The following TENM3 variants were observed in gnomAD, a reference collection of about 807,000 sequenced individuals.
TENM3 encodes teneurin-3.
Under a neutral mutation model 255.1 loss-of-function variants are expected in TENM3, and 63 were observed. The ratio of observed to expected loss-of-function variants is 0.25; its 90% CI spans 0.20 to 0.30. The LOEUF (loss-of-function observed/expected upper bound fraction) is 0.30. Ranked by LOEUF, TENM3 falls within the 10% of genes least tolerant of loss-of-function variation. The pLI is 1.00. For missense variants in TENM3, 2,929 were observed against 3,461.1 expected, an observed-to-expected ratio of 0.85 and a Z score of 3.86; for synonymous variants, 1,306 against 1,322.3, an observed-to-expected ratio of 0.99 and a Z score of 0.27.
At chr4:181,835,527 G>A in the TENM3 span, among the ~76,000 whole-genome samples, 6 of 152,072 alleles carry the variant, frequency 3.9e-5, no homozygotes, top group African/African-American at 7.2e-5. Flanking sequence ...ACAACTTACC[G>A]CAAGTGATGA....
intron 3 of TENM3, among the ~76,000 whole-genome samples, chr4:182,382,852 A>C (rs1450887486): frequency 6.6e-6 from 1 of 152,206 alleles, no homozygotes; most frequent in African/African-American, 2.4e-5. Flanking sequence ...AGGGTACCTG[A>C]TGCCAGACTC....
upstream of TENM3, among the ~76,000 whole-genome samples, chr4:182,240,397 A>G (rs1311546534): frequency 6.6e-6 from 1 of 152,166 alleles, no homozygotes; most frequent in African/African-American, 2.4e-5. Context: ...TCTCCCGGCT[A>G]TCATCATAAC....
At chr4:182,581,589 T>A (rs531585580) in intron 3 of TENM3, among the ~76,000 whole-genome samples, 4 of 151,888 alleles carry the variant, frequency 2.6e-5, no homozygotes, top group Non-Finnish European at 4.4e-5. Flanking sequence ...ACACAATAAT[T>A]AGGCAGGCAT....
chr4:182,546,143 G>A (rs780738832), intron 3 of TENM3, among the ~76,000 whole-genome samples: 12 of 152,212 alleles, frequency 7.9e-5, no homozygotes, highest in Admixed American at 3.9e-4. Context: ...TCTTCACGCT[G>A]AGCAGGCTAA....
chr4:182,362,792 C>A (rs1415810264), intron 3 of TENM3, among the ~76,000 whole-genome samples: 6 of 152,184 alleles, frequency 3.9e-5, no homozygotes, highest in Admixed American at 3.9e-4. Flanking sequence ...GATGGAAATG[C>A]AGAAATCACC....
the TENM3 span, among the ~76,000 whole-genome samples, chr4:181,917,909 A>G: frequency 6.6e-6 from 1 of 151,768 alleles, no homozygotes; most frequent in African/African-American, 2.4e-5. Context: ...TGATCCACCC[A>G]CTTCAGCCTC....
intron 1 of TENM3, among the ~76,000 whole-genome samples, chr4:182,171,562 C>T (rs553649786): frequency 2.1e-4 from 32 of 152,240 alleles, no homozygotes; most frequent in African/African-American, 7.7e-4. Flanking sequence ...CTCCTGGGCT[C>T]AAGCAATCCT....
intron 1 of TENM3, among the ~76,000 whole-genome samples, chr4:182,209,726 T>A (rs1433576271): frequency 6.6e-6 from 1 of 152,090 alleles, no homozygotes; most frequent in East Asian, 1.9e-4. Context: ...GAATAGGACC[T>A]TGCCTGGGGT....
At chr4:181,712,358 C>A in the TENM3 span, among the ~76,000 whole-genome samples, 1 of 152,088 alleles carries the variant, frequency 6.6e-6, no homozygotes, top group Non-Finnish European at 1.5e-5. Flanking sequence ...TGATAGAGTT[C>A]TCACAAGATT....
At chr4:181,835,497 G>A in the TENM3 span, among the ~76,000 whole-genome samples, 3 of 152,254 alleles carry the variant, frequency 2.0e-5, no homozygotes, top group East Asian at 3.9e-4. Context: ...GAATAATGAG[G>A]CTTGAGTGAT....
the TENM3 span, among the ~76,000 whole-genome samples, chr4:181,553,663 G>A: frequency 2.0e-5 from 3 of 151,886 alleles, no homozygotes; most frequent in East Asian, 1.9e-4. Flanking sequence ...GGATGGTCTC[G>A]ATCTCCTGAC....
chr4:182,111,490 T>C, the TENM3 span, among the ~76,000 whole-genome samples: 1 of 152,186 alleles, frequency 6.6e-6, no homozygotes, highest in African/African-American at 2.4e-5. Flanking sequence ...TGTACTCAAT[T>C]GAAGAAGGAT....
chr4:182,079,459 T>C, the TENM3 span, among the ~76,000 whole-genome samples: 4 of 151,288 alleles, frequency 2.6e-5, no homozygotes, highest in Non-Finnish European at 4.4e-5. Flanking sequence ...GAGCTTGCAG[T>C]GAGCTGAGAT....
intron 1 of TENM3, among the ~76,000 whole-genome samples, chr4:182,168,075 G>A (rs1751840048): frequency 6.6e-6 from 1 of 151,818 alleles, no homozygotes; most frequent in African/African-American, 2.4e-5. Flanking sequence ...TAAACTAAAG[G>A]GACTAGACCC....
chr4:182,315,386 C>A (rs1239211791), intron 1 of TENM3, among the ~76,000 whole-genome samples: 1 of 151,082 alleles, frequency 6.6e-6, no homozygotes, highest in Non-Finnish European at 1.5e-5. Flanking sequence ...GAGTTATTTT[C>A]ATGGGATATA....
At chr4:182,236,307 CT>C (rs1756900514) in intron 1 of TENM3, among the ~76,000 whole-genome samples, 1 of 152,154 alleles carries the variant, frequency 6.6e-6, no homozygotes, top group Non-Finnish European at 1.5e-5. Context: ...AGAATGCCTC[CT>C]GATAGACAGC....
At chr4:182,750,533 G>GA (rs1269425235) in intron 19 of TENM3, among the ~76,000 whole-genome samples, 1 of 152,158 alleles carries the variant, frequency 6.6e-6, no homozygotes, top group African/African-American at 2.4e-5. Flanking sequence ...CACTTAGACG[G>GA]AAAATCATCA....
At chr4:182,371,733 C>T (rs1164949964) in intron 3 of TENM3, among the ~76,000 whole-genome samples, 2 of 152,200 alleles carry the variant, frequency 1.3e-5, no homozygotes, top group Non-Finnish European at 2.9e-5. Flanking sequence ...ATCAGACCCT[C>T]TCCCTCCCGT....
intron 3 of TENM3, among the ~76,000 whole-genome samples, chr4:182,523,860 A>G (rs1738841434): frequency 6.6e-6 from 1 of 152,194 alleles, no homozygotes; most frequent in South Asian, 2.1e-4. Context: ...ATAATTGAAG[A>G]GAATAGAAAC....
Sources: allele counts gnomAD v4.1 joint callset (sites outside exome capture counted in the v4.1 genomes callset), GRCh38; gene constraint gnomAD v4.1.1; transcripts MANE v1.5; gene names NCBI Gene and HGNC (gene_info 2026-07-23, HGNC 2026-07-21).